Variants in EIPR1 observed in about 807,000 individuals in gnomAD.
EIPR1 encodes EARP and GARP complex-interacting protein 1.
EIPR1 carries 25 observed loss-of-function variants against 48.1 expected under a neutral mutation model. The ratio of observed to expected loss-of-function variants is 0.52; its 90% CI spans 0.38 to 0.73. The LOEUF (loss-of-function observed/expected upper bound fraction) is 0.73. Among genes scored for constraint, EIPR1 ranks in the 30% least tolerant of loss-of-function variants. EIPR1 has a pLI of 0.00. For missense variants in EIPR1, 415 were observed against 506.2 expected (o/e 0.82, Z 1.73); for synonymous variants, 204 against 201.9 (o/e 1.01, Z -0.09).
chr2:3,300,895 C>G (rs1163955102), intron 3 of EIPR1: 2 of 152,164 alleles, frequency 1.3e-5, no homozygotes, highest in African/African-American at 4.8e-5. Flanking sequence ...GCACAGGCTT[C>G]TGTGTGTTCT....
In EIPR1 at chr2:3,348,875, A is replaced by C. The variant is rs531064192; in HGVS notation, c.126+5675T>G. Among the ~76,000 whole-genome samples, 7 of 152,314 alleles carry C rather than the reference A, an allele frequency of 4.6e-5. No homozygotes were observed. In the Middle Eastern group the frequency reaches 0.01, roughly 222 times the overall value. ...CAGGAGGAGACCAGACTCCGTTGTCACAGAAGGCAGGGGCAGGGCTGCAGT... is the reference window on the plus strand; with the variant it reads ...CAGGAGGAGACCAGACTCCGTTGTCCCAGAAGGCAGGGGCAGGGCTGCAGT... On this transcript the variant is annotated intron_variant, in intron 2 of 8. Coordinates refer to ENST00000382125, the MANE Select transcript of EIPR1 (RefSeq NM_003310.5).
chr2:3,227,482 G>A (rs1666101063), intron 4 of EIPR1, among the ~76,000 whole-genome samples: 1 of 152,182 alleles, frequency 6.6e-6, no homozygotes, highest in Non-Finnish European at 1.5e-5. Flanking sequence ...CATTCAAGAG[G>A]AAGCAGAGCA....
chr2:3,340,932 A>G (rs1670220372), intron 2 of EIPR1, among the ~76,000 whole-genome samples: 1 of 151,914 alleles, frequency 6.6e-6, no homozygotes, highest in African/African-American at 2.4e-5. Context: ...CCCCATCTCT[A>G]CTAAAAATAT....
intron 3 of EIPR1, among the ~76,000 whole-genome samples, chr2:3,268,089 G>T (rs1667547882): frequency 1.3e-5 from 2 of 152,170 alleles, no homozygotes; most frequent in African/African-American, 4.8e-5. Context: ...GGGAAGCGTG[G>T]CCCCAGCACT....
At chr2:3,213,723 G>C (rs1468329689) in intron 5 of EIPR1, among the ~76,000 whole-genome samples, 1 of 152,170 alleles carries the variant, frequency 6.6e-6, no homozygotes, top group African/African-American at 2.4e-5. Flanking sequence ...GCTTTCACCT[G>C]AAAGACCCCA....
intron 5 of EIPR1, among the ~76,000 whole-genome samples, chr2:3,206,450 G>A (rs1434265420): frequency 6.6e-6 from 1 of 152,256 alleles, no homozygotes; most frequent in Admixed American, 6.5e-5. Flanking sequence ...CCGCATGAGA[G>A]TCTGCATTGT....
At chr2:3,357,290 TCAAGATG>T (rs1164232343) in intron 1 of EIPR1, among the ~76,000 whole-genome samples, 3 of 152,214 alleles carry the variant, frequency 2.0e-5, no homozygotes, top group Non-Finnish European at 4.4e-5. Flanking sequence ...AGTTCTTTGC[TCAAGATG>T]CCAAGAACCT....
At chr2:3,339,944 C>A (rs1385022715) in intron 2 of EIPR1, among the ~76,000 whole-genome samples, 2 of 152,214 alleles carry the variant, frequency 1.3e-5, no homozygotes, top group African/African-American at 4.8e-5. Context: ...AGCGAGACTC[C>A]GTCTCAACAA....
At chr2:3,294,886 GC>G (rs1161512534) in intron 3 of EIPR1, among the ~76,000 whole-genome samples, 1 of 83,340 alleles carries the variant, frequency 1.2e-5, no homozygotes, top group East Asian at 4.1e-4. Context: ...CTATACACAT[GC>G]CCTCCATCCA....
chr2:3,201,233 C>A (rs1272386568), intron 5 of EIPR1, among the ~76,000 whole-genome samples: 1 of 152,168 alleles, frequency 6.6e-6, no homozygotes, highest in Non-Finnish European at 1.5e-5. Context: ...TCCCCCTGAT[C>A]AGGCACCCAA....
At chr2:3,198,551 G>A (rs566955347) in intron 5 of EIPR1, among the ~76,000 whole-genome samples, 29 of 152,242 alleles carry the variant, frequency 1.9e-4, no homozygotes, top group African/African-American at 4.8e-4. Flanking sequence ...ACCCACCCCC[G>A]ATAATTCAAC....
intron 3 of EIPR1, chr2:3,274,443 C>A: frequency 6.5e-7 from 1 of 1,548,792 alleles, no homozygotes. Flanking sequence ...CAGGGCAGAA[C>A]TGTTCAGTCA....
intron 6 of EIPR1, 60 bp downstream of exon 6, chr2:3,196,821 C>A (rs919999179): frequency 6.3e-7 from 1 of 1,592,422 alleles, no homozygotes; most frequent in Non-Finnish European, 8.6e-7. Flanking sequence ...CACCATCATC[C>A]CGGTTCTGCT....
intron 2 of EIPR1, among the ~76,000 whole-genome samples, chr2:3,345,720 A>C (rs1395229834): frequency 6.6e-6 from 1 of 152,138 alleles, no homozygotes; most frequent in Non-Finnish European, 1.5e-5. Context: ...AGAAGAAAAT[A>C]AAAAAGAAAG....
At chr2:3,225,396 C>A (rs1189725805) in intron 4 of EIPR1, among the ~76,000 whole-genome samples, 1 of 152,048 alleles carries the variant, frequency 6.6e-6, no homozygotes, top group African/African-American at 2.4e-5. Context: ...CAGGCACATG[C>A]CACCCTACTT....
intron 3 of EIPR1, among the ~76,000 whole-genome samples, chr2:3,284,499 G>A (rs898433419): frequency 7.9e-5 from 12 of 152,288 alleles, no homozygotes; most frequent in Admixed American, 2.6e-4. Context: ...GCGGGAGGCC[G>A]GGTCTTGAGC....
At chr2:3,352,574 C>T (rs13421307) in intron 2 of EIPR1, among the ~76,000 whole-genome samples, 33,663 of 152,162 alleles carry the variant, frequency 0.22, 4,647 homozygotes, top group East Asian at 0.43. Flanking sequence ...TCACCCAAAA[C>T]AGATACTCCT....
intron 3 of EIPR1, among the ~76,000 whole-genome samples, chr2:3,310,494 A>C (rs1669093574): frequency 7.1e-6 from 1 of 140,760 alleles, no homozygotes; most frequent in Non-Finnish European, 1.5e-5. Flanking sequence ...TCTACTAAAA[A>C]TACAAAAAAT....
intron 3 of EIPR1, among the ~76,000 whole-genome samples, chr2:3,325,189 G>T (rs931747493): frequency 1.2e-4 from 19 of 152,308 alleles, no homozygotes; most frequent in Non-Finnish European, 4.4e-5. Context: ...AAGGGCCGGC[G>T]GTCAGGACCA....
Sources: allele counts gnomAD v4.1 joint callset (sites outside exome capture counted in the v4.1 genomes callset), GRCh38; gene constraint gnomAD v4.1.1; transcripts MANE v1.5; gene names NCBI Gene and HGNC (gene_info 2026-07-23, HGNC 2026-07-21).